Variants in PCDH11X observed in about 807,000 individuals in gnomAD.
PCDH11X encodes the protein protocadherin-11 X-linked.
A neutral mutation model predicts 53.3 loss-of-function variants in PCDH11X; 18 were observed. The observed-to-expected ratio is 0.34, with a 90% CI of 0.23 to 0.50. The LOEUF is 0.50. Ranked by LOEUF, PCDH11X falls within the 20% of genes least tolerant of loss-of-function variation. PCDH11X has a pLI of 0.98. For synonymous variants in PCDH11X, 279 were observed against 393.3 expected (o/e 0.71, Z 3.44); for missense variants, 570 against 1,032.4 (o/e 0.55, Z 6.14).
At chrX:91,817,987 G>T (rs183226476) in intron 4 of PCDH11X, among the ~76,000 whole-genome samples, 15 of 111,436 alleles carry the variant, frequency 1.3e-4, no homozygotes, top group African/African-American at 4.9e-4. Context: ...GTTTGTTGTA[G>T]CTTCTTCTAT....
At chrX:92,129,752 G>C (rs1231719537) in intron 6 of PCDH11X, among the ~76,000 whole-genome samples, 1 of 111,177 alleles carries the variant, frequency 9.0e-6, no homozygotes, top group Non-Finnish European at 1.9e-5. Flanking sequence ...TTCCTTCAGG[G>C]GTAGGGAGGG....
intron 4 of PCDH11X, among the ~76,000 whole-genome samples, chrX:91,823,865 G>C (rs1170969993): frequency 9.0e-6 from 1 of 110,515 alleles, no homozygotes; most frequent in Non-Finnish European, 1.9e-5. Context: ...TTTAGGGCAG[G>C]CCTGGTGGTG....
chrX:92,157,433 G>A (rs1257988941), intron 6 of PCDH11X, among the ~76,000 whole-genome samples: 1 of 111,623 alleles, frequency 9.0e-6, no homozygotes, highest in Middle Eastern at 4.3e-3. Context: ...TTAAAGTGAA[G>A]GATATAGATC....
intron 6 of PCDH11X, among the ~76,000 whole-genome samples, chrX:91,910,041 CT>C (rs1569437694): frequency 9.0e-6 from 1 of 111,360 alleles, no homozygotes; most frequent in East Asian, 2.9e-4. Flanking sequence ...GTGACACCTG[CT>C]TTAGGCTTGC....
chrX:91,869,067 G>A (rs1173815056), intron 5 of PCDH11X, among the ~76,000 whole-genome samples: 3 of 111,175 alleles, frequency 2.7e-5, no homozygotes, highest in Non-Finnish European at 3.8e-5. Context: ...TCTTAAATGA[G>A]CAAGTTAAAA....
chrX:92,463,334 C>G (rs1454008850), intron 9 of PCDH11X, among the ~76,000 whole-genome samples: 1 of 110,824 alleles, frequency 9.0e-6, no homozygotes, highest in Non-Finnish European at 1.9e-5. Flanking sequence ...TAGTATTCAT[C>G]TAAATTGGAA....
chrX:92,407,565 A>G lies in PCDH11X; in HGVS notation c.3343+19632A>G, dbSNP rs758427907. 3.6e-3 allele frequency among the ~76,000 whole-genome samples: 399 copies of G among 111,175 alleles called. 3 individuals carry two copies. Among genetic ancestry groups the G allele is most frequent in the African/African-American group, 0.012 (375 of 30,627 alleles). ...TCTATTCAAAAATGTATTACTTATT[A>G]TGTGTTTTTCTTCTCTTGATTAAAC... On this transcript the variant is annotated intron_variant, in intron 9 of 10. Coordinates refer to ENST00000682573, the MANE Select transcript of PCDH11X (RefSeq NM_032968.5).
intron 8 of PCDH11X, among the ~76,000 whole-genome samples, chrX:92,365,166 T>C (rs2070441806): frequency 1.2e-5 from 1 of 86,331 alleles, no homozygotes; most frequent in Admixed American, 1.2e-4. Context: ...TAACAATGTC[T>C]TCTTTTGAAA....
intron 6 of PCDH11X, among the ~76,000 whole-genome samples, chrX:91,983,765 G>C (rs973473744): frequency 7.2e-5 from 8 of 110,972 alleles, no homozygotes; most frequent in African/African-American, 2.6e-4. Flanking sequence ...GGGACACAGA[G>C]CCAAACCATA....
chrX:92,091,184 C>A (rs2064041967), intron 6 of PCDH11X, among the ~76,000 whole-genome samples: 1 of 111,317 alleles, frequency 9.0e-6, no homozygotes, highest in African/African-American at 3.3e-5. Context: ...ATTTATAGTT[C>A]TTGAAACAGG....
intron 10 of PCDH11X, among the ~76,000 whole-genome samples, chrX:92,531,186 G>T (rs1214531608): frequency 2.7e-5 from 3 of 110,703 alleles, no homozygotes; most frequent in African/African-American, 9.8e-5. Flanking sequence ...TAAATGTGAT[G>T]TCTCAAATTA....
chrX:92,315,139 C>G (rs1245153213), intron 8 of PCDH11X, among the ~76,000 whole-genome samples: 1 of 111,703 alleles, frequency 9.0e-6, no homozygotes, highest in Non-Finnish European at 1.9e-5. Context: ...CAAGTTGAAA[C>G]ACTAAACAAC....
At chrX:92,550,207 G>C (rs1261985681) in intron 10 of PCDH11X, among the ~76,000 whole-genome samples, 2 of 109,933 alleles carry the variant, frequency 1.8e-5, no homozygotes, top group African/African-American at 6.6e-5. Context: ...TTAATCCTTT[G>C]TGCCTGGGTT....
chrX:92,355,417 C>CAAAAAAAAAAAAA (rs57339128), intron 8 of PCDH11X, among the ~76,000 whole-genome samples: 7 of 23,586 alleles, frequency 3.0e-4, no homozygotes, highest in African/African-American at 1.7e-3. Flanking sequence ...GACTCCGTCT[C>CAAAAAAAAAAAAA]AAAAAAAAAA....
intron 5 of PCDH11X, 52 bp downstream of exon 5, chrX:91,836,096 A>G (rs745465559): frequency 1.9e-5 from 21 of 1,118,528 alleles, no homozygotes; most frequent in Non-Finnish European, 2.5e-5. Flanking sequence ...TTTAAAGAGT[A>G]AAATAAAATG....
chrX:91,922,815 G>T (rs1941794595), intron 6 of PCDH11X, among the ~76,000 whole-genome samples: 1 of 110,649 alleles, frequency 9.0e-6, no homozygotes. Flanking sequence ...AGAATCTTAG[G>T]TCTCTATTAT....
At chrX:92,407,126 C>T (rs764591714) in intron 9 of PCDH11X, among the ~76,000 whole-genome samples, 26 of 104,535 alleles carry the variant, frequency 2.5e-4, no homozygotes, top group African/African-American at 8.7e-4. Context: ...GACCTTTCTG[C>T]TGTTGACTCC....
At chrX:92,098,404 T>C (rs1030124170) in intron 6 of PCDH11X, among the ~76,000 whole-genome samples, 2 of 111,512 alleles carry the variant, frequency 1.8e-5, no homozygotes, top group African/African-American at 6.5e-5. Context: ...TTCTATTTTG[T>C]TTTAATTAAA....
intron 1 of PCDH11X, among the ~76,000 whole-genome samples, chrX:91,794,501 G>T (rs1935667483): frequency 9.0e-6 from 1 of 111,454 alleles, no homozygotes; most frequent in Non-Finnish European, 1.9e-5. Flanking sequence ...TCTAGGTTAG[G>T]GATAACATTT....
Sources: allele counts gnomAD v4.1 joint callset (sites outside exome capture counted in the v4.1 genomes callset), GRCh38; gene constraint gnomAD v4.1.1; transcripts MANE v1.5; gene names NCBI Gene and HGNC (gene_info 2026-07-23, HGNC 2026-07-21).